The following TTC34 variants were observed in gnomAD, a reference collection of about 807,000 sequenced individuals.
The protein encoded by TTC34 is tetratricopeptide repeat protein 34.
Under a neutral mutation model 40.7 loss-of-function variants are expected in TTC34, and 44 were observed. The observed-to-expected ratio is 1.08, with a 90% CI of 0.85 to 1.39. The LOEUF (loss-of-function observed/expected upper bound fraction) is 1.39. Ranked by LOEUF, TTC34 falls within the 40% of genes most tolerant of loss-of-function variation. The probability of loss-of-function intolerance (pLI) is 0.00; values close to 1 mark genes in which losing one functional copy is unlikely to be tolerated. For synonymous variants in TTC34, 422 were observed against 398.6 expected, an observed-to-expected ratio of 1.06 and a Z score of -0.70; for missense variants, 884 against 838.0, an observed-to-expected ratio of 1.05 and a Z score of -0.68.
intron 6 of TTC34, among the ~76,000 whole-genome samples, chr1:2,751,380 T>G (rs1272614250): frequency 9.6e-3 from 933 of 97,554 alleles, no homozygotes; most frequent in East Asian, 0.02. Flanking sequence ...CAGGTGCGCA[T>G]CTGATGGTCT....
intron 6 of TTC34, among the ~76,000 whole-genome samples, chr1:2,649,910 C>A (rs368964840): frequency 6.7e-5 from 10 of 149,168 alleles, no homozygotes; most frequent in Non-Finnish European, 1.3e-4. Flanking sequence ...TTCTGACAGC[C>A]TGGAATGGCA....
chr1:2,691,604 C>T (rs1279209533), intron 6 of TTC34, among the ~76,000 whole-genome samples: 1 of 122,528 alleles, frequency 8.2e-6, no homozygotes, highest in Non-Finnish European at 1.8e-5. Flanking sequence ...ACCCTGACAG[C>T]CTGGAACAGC....
intron 6 of TTC34, among the ~76,000 whole-genome samples, chr1:2,752,834 A>G (rs1641369085): frequency 2.7e-5 from 4 of 147,560 alleles, no homozygotes; most frequent in Non-Finnish European, 6.0e-5. Flanking sequence ...CGCACCTGAC[A>G]GACTGGAACA....
intron 8 of TTC34, among the ~76,000 whole-genome samples, chr1:2,643,821 TGCCCAGGCCCCACTGGGGTGTAG>T (rs1638963168): frequency 6.6e-6 from 1 of 152,156 alleles, no homozygotes; most frequent in Non-Finnish European, 1.5e-5. Context: ...GGTGAAATCC[TGCCCAGGCCCCACTGGGGTGTAG>T]TTCTGCCTCT....
chr1:2,756,834 C>A (rs1224616034), intron 6 of TTC34, among the ~76,000 whole-genome samples: 11,167 of 91,454 alleles, frequency 0.12, 94 homozygotes, highest in African/African-American at 0.21. Context: ...CACCCCGAGG[C>A]GAGCATCTGA....
At chr1:2,641,040 G>A (rs1217577478) in exon 9 of TTC34, 55 of 143,850 alleles carry the variant, frequency 3.8e-4, no homozygotes, top group African/African-American at 2.2e-3. Context: ...GAAGGGGGGT[G>A]TGGGGAGGGC....
At chr1:2,682,933 C>G in intron 6 of TTC34, among the ~76,000 whole-genome samples, 1 of 152,326 alleles carries the variant, frequency 6.6e-6, no homozygotes, top group Non-Finnish European at 1.5e-5. Flanking sequence ...ATCTGACAGC[C>G]TGGAACAGCA....
In TTC34 at chr1:2,652,968, C is replaced by A. The variant is rs973793580; in HGVS notation, c.2227-7405G>T. Among the ~76,000 whole-genome samples the A allele has an allele frequency of 8.6e-5, 13 of 150,382 alleles. No individual in the cohort carries two copies. In the East Asian group the frequency reaches 9.9e-4, roughly 11 times the overall value. ...GACAGCCTGGAGCAGTGCCCACACC[C>A]CCAGGTGAGCATGTGACAGCGTGGA... On this transcript the variant is annotated intron_variant, in intron 6 of 8. Coordinates refer to ENST00000401095, the Ensembl canonical transcript of TTC34.
chr1:2,753,218 A>C (rs1431281575), intron 6 of TTC34, among the ~76,000 whole-genome samples: 345 of 33,838 alleles, frequency 0.01, no homozygotes, highest in Middle Eastern at 0.025. Flanking sequence ...CCCCACACCC[A>C]CAGGTGAGCA....
exon 2 of TTC34, chr1:2,800,476 G>A (rs1557695663): frequency 2.5e-6 from 1 of 398,516 alleles, no homozygotes; most frequent in Non-Finnish European, 4.4e-6. Flanking sequence ...ACTTCTTCGT[G>A]ACGCCCGCGG....
At chr1:2,769,608 A>G (rs1641973624) in intron 6 of TTC34, among the ~76,000 whole-genome samples, 2 of 128,936 alleles carry the variant, frequency 1.6e-5, no homozygotes, top group Admixed American at 1.6e-4. Context: ...GGAGCATCTG[A>G]CAGCCTGGAA....
intron 2 of TTC34, among the ~76,000 whole-genome samples, chr1:2,797,311 C>CTGGGGGGGGGGG (rs761900936): frequency 2.0e-5 from 3 of 152,208 alleles, no homozygotes; most frequent in African/African-American, 7.2e-5. Context: ...GGGATGGGGG[C>CTGGGGGGGGGGG]TGGGGCACGA....
At chr1:2,648,351 A>G (rs1036062166) in intron 6 of TTC34, among the ~76,000 whole-genome samples, 1 of 152,112 alleles carries the variant, frequency 6.6e-6, no homozygotes, top group Non-Finnish European at 1.5e-5. Context: ...TTTATCTTGT[A>G]CTTTGCTAGG....
chr1:2,755,460 AC>A lies in TTC34; in HGVS notation c.2226+28148del, dbSNP rs1641472811. Among the ~76,000 whole-genome samples the A allele has an allele frequency of 4.3e-5, 3 of 69,244 alleles. 1 individual carries two copies. The highest frequency in any genetic ancestry group is 7.3e-5 in the Non-Finnish European group (3 of 41,170). The allele number at this position is 69,244 out of a possible 152,430, so 45.4% of individuals were successfully genotyped here. ...TCCGACAGCCTGGAGCAGGACCCACACCCCCAGGTGAACATCCGACATCGTG... is the reference window on the plus strand; with the variant it reads ...TCCGACAGCCTGGAGCAGGACCCACACCCCAGGTGAACATCCGACATCGTG... On this transcript the variant is annotated intron_variant, in intron 6 of 8. Coordinates refer to ENST00000401095, the Ensembl canonical transcript of TTC34.
Position 2,681,998 on chromosome 1 carries a change from A to C in TTC34, c.2227-36435T>G, listed in dbSNP as rs1424976012. On this transcript the variant is annotated intron_variant, in intron 6 of 8. Coordinates refer to ENST00000401095, the Ensembl canonical transcript of TTC34. ...ACAGCACCCACACCCCCAGGTGAGC[A>C]TCAGACAGCCTGGAACAACACCCAT... is the stretch of plus-strand genomic sequence containing the variant. Among the ~76,000 whole-genome samples, 6 of 121,398 alleles carry C rather than the reference A, an allele frequency of 4.9e-5. No individual in the cohort carries two copies. In the South Asian group the frequency reaches 8.4e-4, roughly 17 times the overall value. 79.6% of individuals were successfully genotyped at this position (121,398 alleles called of 152,430 possible). A position where few individuals can be genotyped will look rare whatever the true frequency, so the allele number is the denominator to read the frequency against.
chr1:2,654,891 C>T (rs1639287244), intron 6 of TTC34, among the ~76,000 whole-genome samples: 1 of 151,734 alleles, frequency 6.6e-6, no homozygotes, highest in Non-Finnish European at 1.5e-5. Flanking sequence ...GCAGCACCCA[C>T]ACTCCAGGTG....
chr1:2,654,249 CCA>C (rs1639258966), intron 6 of TTC34, among the ~76,000 whole-genome samples: 19 of 68,300 alleles, frequency 2.8e-4, no homozygotes, highest in African/African-American at 4.9e-4. Flanking sequence ...AGCACCCACA[CCA>C]CCAGGTGAGC....
intron 6 of TTC34, among the ~76,000 whole-genome samples, chr1:2,777,685 G>A (rs1454574177): frequency 1.9e-5 from 2 of 107,788 alleles, no homozygotes; most frequent in East Asian, 3.2e-4. Flanking sequence ...GAGGCAGAGG[G>A]CATGGGGGGG....
At chr1:2,777,453 C>T (rs1039490820) in intron 6 of TTC34, among the ~76,000 whole-genome samples, 1 of 150,646 alleles carries the variant, frequency 6.6e-6, no homozygotes. Flanking sequence ...ACAAGTCCTG[C>T]CCCCCGGTTA....
Sources: gnomAD v4.1 joint callset for allele counts (sites outside exome capture counted in the v4.1 genomes callset) on GRCh38, gnomAD v4.1.1 for gene constraint, MANE v1.5 for transcripts, NCBI Gene and HGNC (gene_info 2026-07-23, HGNC 2026-07-21) for gene names.